EIF4G3: variants seen among roughly 807,000 people sequenced by gnomAD.
EIF4G3 encodes the protein eukaryotic translation initiation factor 4 gamma 3.
EIF4G3 carries 34 observed loss-of-function variants against 186.4 expected under a neutral mutation model. The observed-to-expected ratio is 0.18, with a 90% CI of 0.14 to 0.24. EIF4G3 has a LOEUF of 0.24. Among genes scored for constraint, EIF4G3 ranks in the 10% least tolerant of loss-of-function variants. The pLI, the probability that EIF4G3 is intolerant of heterozygous loss-of-function variation, is 1.00. For missense variants in EIF4G3, 1,536 were observed against 1,948.5 expected (o/e 0.79, Z 3.99); for synonymous variants, 673 against 679.5 (o/e 0.99, Z 0.15).
chr1:20,945,295 C>A (rs1264746459), intron 13 of EIF4G3, among the ~76,000 whole-genome samples: 5 of 151,668 alleles, frequency 3.3e-5, no homozygotes, highest in African/African-American at 1.2e-4. Flanking sequence ...TAAGGCAACA[C>A]TATTTATAAT....
At chr1:21,134,105 C>A (rs573997080) in intron 2 of EIF4G3, among the ~76,000 whole-genome samples, 43 of 152,236 alleles carry the variant, frequency 2.8e-4, no homozygotes, top group Middle Eastern at 3.4e-3. Context: ...CTTATTCCTG[C>A]CCTTTATAAG....
chr1:20,829,610 A>AG (rs2064577116), intron 30 of EIF4G3, among the ~76,000 whole-genome samples: 2 of 152,202 alleles, frequency 1.3e-5, no homozygotes, highest in African/African-American at 4.8e-5. Flanking sequence ...GTGAAGTTCT[A>AG]GGGGAAAAAT....
chr1:20,908,819 T>C (rs796991073), intron 14 of EIF4G3, among the ~76,000 whole-genome samples: 2 of 152,262 alleles, frequency 1.3e-5, no homozygotes, highest in African/African-American at 4.8e-5. Flanking sequence ...AACCCACATG[T>C]GTTTTTAAAA....
chr1:20,853,167 C>T (rs2073876978), intron 27 of EIF4G3, among the ~76,000 whole-genome samples: 1 of 152,086 alleles, frequency 6.6e-6, no homozygotes, highest in Admixed American at 6.5e-5. Flanking sequence ...TGGAGACTAG[C>T]AAAAACTGAA....
chr1:20,869,492 T>C (rs1400863897), intron 20 of EIF4G3, among the ~76,000 whole-genome samples: 1 of 151,666 alleles, frequency 6.6e-6, no homozygotes, highest in Non-Finnish European at 1.5e-5. Context: ...GTGAAGTAAA[T>C]AGGCCGGGTG....
chr1:21,027,726 AG>A (rs1369813167), intron 4 of EIF4G3, among the ~76,000 whole-genome samples: 1 of 152,210 alleles, frequency 6.6e-6, no homozygotes, highest in Non-Finnish European at 1.5e-5. Context: ...TGTGGAAAAC[AG>A]TATGGCATTT....
chr1:20,944,769 C>A (rs1380636503), intron 13 of EIF4G3, among the ~76,000 whole-genome samples: 1 of 151,738 alleles, frequency 6.6e-6, no homozygotes. Context: ...ATGGTGAGCT[C>A]ATGCCTGTAA....
At chr1:20,866,612 C>G (rs998072097) in intron 20 of EIF4G3, among the ~76,000 whole-genome samples, 2 of 152,138 alleles carry the variant, frequency 1.3e-5, no homozygotes, top group Non-Finnish European at 2.9e-5. Flanking sequence ...TACATGAAAG[C>G]AAGAGTTTTC....
At chr1:21,048,381 C>T (rs529766785) in intron 4 of EIF4G3, among the ~76,000 whole-genome samples, 41 of 152,250 alleles carry the variant, frequency 2.7e-4, no homozygotes, top group African/African-American at 9.1e-4. Context: ...AATATTTTAA[C>T]ATTTCAGCTG....
chr1:20,826,170 T>C (rs764344514), intron 32 of EIF4G3, among the ~76,000 whole-genome samples: 13 of 152,184 alleles, frequency 8.5e-5, no homozygotes, highest in Non-Finnish European at 1.5e-4. Context: ...TTTTTAGTTA[T>C]TATTATTAAT....
chr1:21,005,299 A>T (rs2084753497), intron 4 of EIF4G3, among the ~76,000 whole-genome samples: 1 of 152,182 alleles, frequency 6.6e-6, no homozygotes. Flanking sequence ...TCAAGTATTC[A>T]TAAGGTCATT....
intron 2 of EIF4G3, among the ~76,000 whole-genome samples, chr1:21,113,243 G>T (rs979317692): frequency 3.4e-5 from 5 of 148,608 alleles, no homozygotes; most frequent in Admixed American, 2.7e-4. Flanking sequence ...TCACTTTCAT[G>T]TCTGGTTTAA....
intron 4 of EIF4G3, among the ~76,000 whole-genome samples, chr1:21,019,079 G>T (rs1433318473): frequency 6.6e-6 from 1 of 152,090 alleles, no homozygotes; most frequent in East Asian, 1.9e-4. Flanking sequence ...GGAGTACAGT[G>T]GCACAATCAT....
At chr1:21,114,969 C>G (rs2096791480) in intron 2 of EIF4G3, among the ~76,000 whole-genome samples, 1 of 152,146 alleles carries the variant, frequency 6.6e-6, no homozygotes, top group Admixed American at 6.5e-5. Context: ...TCTAGACCAA[C>G]CTGGGCAACA....
chr1:20,953,238 T>C (rs1475931813), intron 12 of EIF4G3, among the ~76,000 whole-genome samples: 1 of 152,194 alleles, frequency 6.6e-6, no homozygotes, highest in African/African-American at 2.4e-5. Context: ...TCGCACACTG[T>C]TGCAACAGCT....
At chr1:20,856,689 A>C (rs560825517) in intron 25 of EIF4G3, among the ~76,000 whole-genome samples, 2 of 152,266 alleles carry the variant, frequency 1.3e-5, no homozygotes, top group East Asian at 3.9e-4. Context: ...GGATAAGGCA[A>C]ATCTTTCATG....
intron 13 of EIF4G3, among the ~76,000 whole-genome samples, chr1:20,943,972 T>TGTGTGTG (rs1558363073): frequency 0.011 from 488 of 44,834 alleles, 79 homozygotes; most frequent in Admixed American, 0.012. Flanking sequence ...TCTTTATTTT[T>TGTGTGTG]TTTGTGTGTG....
intron 15 of EIF4G3, 23 bp downstream of exon 15, chr1:20,904,860 A>C (rs1187336503): frequency 6.3e-7 from 1 of 1,585,532 alleles, no homozygotes; most frequent in Non-Finnish European, 8.7e-7. Flanking sequence ...TGCTCTGAAT[A>C]TGAACTTAAG....
At chr1:20,949,013 T>C (rs1226106208) in intron 13 of EIF4G3, among the ~76,000 whole-genome samples, 1 of 148,582 alleles carries the variant, frequency 6.7e-6, no homozygotes, top group Admixed American at 6.7e-5. Context: ...AGAAAATCTA[T>C]ATACTAACTA....
Sources: gnomAD v4.1 joint callset for allele counts (sites outside exome capture counted in the v4.1 genomes callset) on GRCh38, gnomAD v4.1.1 for gene constraint, MANE v1.5 for transcripts, NCBI Gene and HGNC (gene_info 2026-07-23, HGNC 2026-07-21) for gene names.